The following KIF27 variants were observed in gnomAD, a reference collection of about 807,000 sequenced individuals.
KIF27 encodes the protein kinesin-like protein KIF27.
Under a neutral mutation model 141.8 loss-of-function variants are expected in KIF27, and 84 were observed. That is an observed-to-expected ratio of 0.59 (90% CI 0.50 to 0.71). The LOEUF (loss-of-function observed/expected upper bound fraction) is 0.71. KIF27 is among the 30% of genes least tolerant of loss of function. KIF27 has a pLI of 0.00. For synonymous variants in KIF27, 471 were observed against 569.5 expected, an observed-to-expected ratio of 0.83 and a Z score of 2.46; for missense variants, 1,306 against 1,628.4, an observed-to-expected ratio of 0.80 and a Z score of 3.41.
chr9:83,888,504 C>G lies in KIF27; in HGVS notation c.2068G>C (p.Asp690His). 2.5e-6 allele frequency: 4 copies of G among 1,571,380 alleles called. No homozygotes were observed. Among genetic ancestry groups the G allele is most frequent in the Non-Finnish European group, 3.5e-6 (4 of 1,149,480 alleles). ...ATCTATGTACCTTCATTCTCCAAAT[C>G]TGACTTTTGTGTTTCATCCTGAGTA... ...SDTQDETQKS[D>H]LENEDLKIDC... Residue 690 changes from aspartate to histidine, a missense_variant, in exon 8 of 18, where the codon GAT becomes CAT. Coordinates refer to ENST00000297814, the MANE Select transcript of KIF27 (RefSeq NM_017576.4).
intron 14 of KIF27, among the ~76,000 whole-genome samples, chr9:83,854,049 T>C (rs139166448): frequency 2.0e-5 from 3 of 152,252 alleles, no homozygotes; most frequent in South Asian, 2.1e-4. Context: ...ACACAACATA[T>C]TAACATAATC....
rs1203690869 is a variant in KIF27 at position 83,836,856 on chromosome 9, T to C, written c.*145A>G. 1 of 1,287,976 alleles carries C rather than the reference T, an allele frequency of 7.8e-7. No homozygotes were observed. The highest frequency in any genetic ancestry group is 2.5e-5 in the East Asian group (1 of 39,636). The allele number at this position is 1,287,976 out of a possible 1,614,324, so 79.8% of individuals were successfully genotyped here. A position where few individuals can be genotyped will look rare whatever the true frequency, so the allele number is the denominator to read the frequency against. On this transcript the variant is annotated 3_prime_UTR_variant, in exon 18 of 18. Coordinates refer to ENST00000297814, the MANE Select transcript of KIF27 (RefSeq NM_017576.4). Reference sequence around the variant, plus strand: ...AATATATATAGAAGATGTACACATCTATAGCATATAAAAGAATTAGGGATT... The same window carrying C: ...AATATATATAGAAGATGTACACATCCATAGCATATAAAAGAATTAGGGATT...
Position 83,836,093 on chromosome 9 carries a change from G to A in KIF27, c.*908C>T, listed in dbSNP as rs554614946. On this transcript the variant is annotated 3_prime_UTR_variant, in exon 18 of 18. Transcript: ENST00000297814. ...ACAGCCCCAGTGTAGTTTGGCCGGT[G>A]TGCAAAGCCTGACTAAGGAGGTTAT... is the stretch of plus-strand genomic sequence containing the variant. 1.3e-5 allele frequency among the ~76,000 whole-genome samples: 2 copies of A among 152,256 alleles called. No homozygotes were observed. Among genetic ancestry groups the A allele is most frequent in the Admixed American group, 6.5e-5 (1 of 15,298 alleles).
intron 14 of KIF27, among the ~76,000 whole-genome samples, chr9:83,856,543 C>A (rs1267095147): frequency 6.6e-6 from 1 of 151,870 alleles, no homozygotes; most frequent in African/African-American, 2.4e-5. Context: ...GAGATCGAGA[C>A]CATCTTGGCC....
At chr9:83,899,192 T>C (rs1421749219) in intron 5 of KIF27, among the ~76,000 whole-genome samples, 2 of 152,176 alleles carry the variant, frequency 1.3e-5, no homozygotes, top group African/African-American at 2.4e-5. Flanking sequence ...TACTATGTTA[T>C]ACTGTAGACA....
intron 14 of KIF27, among the ~76,000 whole-genome samples, chr9:83,854,107 A>G (rs58604648): frequency 0.021 from 3,201 of 152,338 alleles, 121 homozygotes; most frequent in African/African-American, 0.072. Context: ...AAAAGACAGA[A>G]GTTTAGGGGA....
chr9:83,866,006 G>C (rs1463032973), intron 13 of KIF27, among the ~76,000 whole-genome samples: 2 of 152,076 alleles, frequency 1.3e-5, no homozygotes, highest in African/African-American at 4.8e-5. Context: ...TTAGGAAATA[G>C]ATGTTTCACG....
At chr9:83,902,434 C>T (rs758358126) in intron 4 of KIF27, among the ~76,000 whole-genome samples, 1 of 152,184 alleles carries the variant, frequency 6.6e-6, no homozygotes, top group Non-Finnish European at 1.5e-5. Flanking sequence ...AATCTTCACA[C>T]AATAAACAGT....
intron 11 of KIF27, among the ~76,000 whole-genome samples, chr9:83,878,372 T>C (rs1372639426): frequency 1.3e-5 from 2 of 151,958 alleles, no homozygotes; most frequent in Admixed American, 1.3e-4. Flanking sequence ...ATTTACCATA[T>C]AACCCAGAAA....
At chr9:83,892,239 G>GA (rs749492273) in intron 5 of KIF27, among the ~76,000 whole-genome samples, 23 of 151,566 alleles carry the variant, frequency 1.5e-4, no homozygotes, top group East Asian at 1.2e-3. Context: ...GTTGAAATAG[G>GA]AAAAAAAACC....
Position 83,836,598 on chromosome 9 carries a change from A to T in KIF27, c.*403T>A, listed in dbSNP as rs1485678223. On this transcript the variant is annotated 3_prime_UTR_variant, in exon 18 of 18. Transcript: ENST00000297814. ...AGATTTAGCTGGATCTTTTAAAAAA[A>T]AAATATACTTGTATTTGAGAATAAC... 2 of 157,054 alleles carry T rather than the reference A, an allele frequency of 1.3e-5. No individual in the cohort carries two copies. The highest frequency in any genetic ancestry group is 4.8e-5 in the African/African-American group (2 of 41,460). 9.7% of individuals were successfully genotyped at this position (157,054 alleles called of 1,614,324 possible).
intron 3 of KIF27, among the ~76,000 whole-genome samples, chr9:83,907,915 T>G (rs1427991724): frequency 6.6e-6 from 1 of 152,192 alleles, no homozygotes; most frequent in Non-Finnish European, 1.5e-5. Flanking sequence ...CATTACAAAT[T>G]AATAACTTCA....
chr9:83,908,558 T>C lies in KIF27; in HGVS notation c.393A>G (p.Val131=), dbSNP rs144457908. Residue 131 remains valine, a synonymous_variant, in exon 3 of 18, where the codon GTA becomes GTG. Transcript: ENST00000297814. ...TGTACACTTCTATATAAGATACTTTTACATTAAAGTCAATGCTAGGATGTT... is the reference window on the plus strand; with the variant it reads ...TGTACACTTCTATATAAGATACTTTCACATTAAAGTCAATGCTAGGATGTT... ...ISEHPSIDFN[V]KVSYIEVYKE... is the part of the protein sequence containing the mutation. The C allele has an allele frequency of 3.7e-6, 6 of 1,609,832 alleles. No individual in the cohort carries two copies. Among genetic ancestry groups the C allele is most frequent in the East Asian group, 2.2e-5 (1 of 44,824 alleles).
rs570677869 is a variant in KIF27, at chr9:83,888,520, A to T, written c.2052T>A (p.Asp684Glu). ...TCTCCAAATCTGACTTTTGTGTTTC[A>T]TCCTGAGTATCACTCAATTCAACAA... ...CSLVELSDTQ[D>E]ETQKSDLENE... Residue 684 changes from aspartate to glutamate, a missense_variant, in exon 8 of 18, where the codon GAT (aspartate) becomes GAA (glutamate). Around this residue, in one of 4 missense-constraint regions of KIF27, gnomAD observed 596 missense variants for 751.6 expected, o/e 0.79. Coordinates refer to ENST00000297814, the MANE Select transcript of KIF27 (RefSeq NM_017576.4). The T allele has an allele frequency of 1.3e-6, 2 of 1,596,644 alleles. No individual in the cohort carries two copies. Among genetic ancestry groups the T allele is most frequent in the Non-Finnish European group, 1.7e-6 (2 of 1,169,674 alleles).
At chr9:83,909,459 A>C (rs1954917695) in intron 2 of KIF27, among the ~76,000 whole-genome samples, 1 of 152,016 alleles carries the variant, frequency 6.6e-6, no homozygotes. Flanking sequence ...AAAATACAAA[A>C]ATTAGCTAGC....
rs1324746052 is a variant in KIF27 at position 83,859,227 on chromosome 9, T to C, written c.3079A>G (p.Lys1027Glu). The change falls in exon 14 of 18, where the codon AAG becomes GAG. Residue 1027 changes from lysine (K) to glutamate (E), a missense_variant. By Grantham distance (56) the Lys-to-Glu change is moderately conservative. Coordinates refer to ENST00000297814, the MANE Select transcript of KIF27 (RefSeq NM_017576.4). ...SEQVEVLQKE[K>E]DQLQKRRHNV... ...TGTCTGCGTTTCTGGAGCTGATCCT[T>C]TTCTTTCTGGAGGACTTCAACTTGT... 1.9e-6 allele frequency: 3 copies of C among 1,614,078 alleles called. No homozygotes were observed. Among genetic ancestry groups the C allele is most frequent in the Admixed American group, 3.3e-5 (2 of 60,006 alleles).
chr9:83,896,597 A>G (rs1433665910), intron 5 of KIF27, among the ~76,000 whole-genome samples: 1 of 152,208 alleles, frequency 6.6e-6, no homozygotes, highest in Non-Finnish European at 1.5e-5. Flanking sequence ...GGAGAACAAT[A>G]CCATGCTTAT....
At position 83,835,103 on chromosome 9, in the gene KIF27, C is replaced by A. The variant is rs1945677436; in HGVS notation, c.*1898G>T. 6.7e-6 allele frequency among the ~76,000 whole-genome samples: 1 copy of A among 149,702 alleles called. No individual in the cohort carries two copies. On this transcript the variant is annotated 3_prime_UTR_variant, in exon 18 of 18. Transcript: ENST00000297814. Reference sequence around the variant, plus strand: ...CTTAGTTAGAAATAATTAATTTACACATACTTGTTTTACTTATGGAAATAC... The same window carrying A: ...CTTAGTTAGAAATAATTAATTTACAAATACTTGTTTTACTTATGGAAATAC...
chr9:83,907,291 A>AAAAT (rs201873830), intron 3 of KIF27, among the ~76,000 whole-genome samples: 3,609 of 138,460 alleles, frequency 0.026, 65 homozygotes, highest in Middle Eastern at 0.057. Context: ...CTCCATCTCA[A>AAAAT]AAATAAATAA....
Sources: gnomAD v4.1 joint callset for allele counts (sites outside exome capture counted in the v4.1 genomes callset) on GRCh38, gnomAD v4.1.1 for gene constraint, gnomAD v4.1.1 regional missense constraint, MANE v1.5 for transcripts, NCBI Gene and HGNC (gene_info 2026-07-23, HGNC 2026-07-21) for gene names.